Variants in ROCK1 observed in about 807,000 individuals in gnomAD.
The protein encoded by ROCK1 is Rho associated coiled-coil containing protein kinase 1.
Under a neutral mutation model 196.8 loss-of-function variants are expected in ROCK1, and 36 were observed. The observed-to-expected ratio is 0.18, with a 90% CI of 0.14 to 0.24. The LOEUF is 0.24. Ranked by LOEUF, ROCK1 falls within the 10% of genes least tolerant of loss-of-function variation. ROCK1 has a pLI of 1.00. For synonymous variants in ROCK1, 443 were observed against 515.9 expected (o/e 0.86, Z 1.91); for missense variants, 920 against 1,562.0 (o/e 0.59, Z 6.93).
intron 11 of ROCK1, among the ~76,000 whole-genome samples, chr18:21,022,040 TAA>T (rs2035917193): frequency 6.6e-6 from 1 of 152,126 alleles, no homozygotes; most frequent in African/African-American, 2.4e-5. Flanking sequence ...CTCTTATATT[TAA>T]GAGTCAATAT....
At chr18:20,970,931 C>T (rs1248206461) in intron 22 of ROCK1, among the ~76,000 whole-genome samples, 1 of 152,194 alleles carries the variant, frequency 6.6e-6, no homozygotes, top group East Asian at 1.9e-4. Flanking sequence ...GTCCCTTACA[C>T]TTCCTGCAGT....
chr18:20,961,818 C>CTTTTTTTTTTTTTTT, intron 27 of ROCK1, among the ~76,000 whole-genome samples: 1 of 117,212 alleles, frequency 8.5e-6, no homozygotes, highest in Non-Finnish European at 1.7e-5. Flanking sequence ...TTTCTTTTTC[C>CTTTTTTTTTTTTTTT]TTTTTTTTTT....
intron 18 of ROCK1, among the ~76,000 whole-genome samples, chr18:20,988,362 C>T (rs1046045309): frequency 2.2e-4 from 33 of 152,042 alleles, no homozygotes; most frequent in African/African-American, 7.5e-4. Context: ...GTCCCCGCAC[C>T]CGGCCTCTTT....
intron 2 of ROCK1, among the ~76,000 whole-genome samples, chr18:21,053,138 C>T (rs2036217933): frequency 6.6e-6 from 1 of 152,150 alleles, no homozygotes; most frequent in Non-Finnish European, 1.5e-5. Flanking sequence ...GCTATTCTTG[C>T]CCAAAGGCTA....
chr18:20,999,962 C>A (rs566214079), intron 16 of ROCK1, among the ~76,000 whole-genome samples: 89 of 152,268 alleles, frequency 5.8e-4, no homozygotes, highest in African/African-American at 2.0e-3. Flanking sequence ...CAATACTACA[C>A]AAAGTAATCT....
chr18:21,062,725 G>A (rs1421124860), intron 2 of ROCK1, among the ~76,000 whole-genome samples: 1 of 152,016 alleles, frequency 6.6e-6, no homozygotes, highest in Admixed American at 6.5e-5. Flanking sequence ...AATGATAAGC[G>A]TTAACATCAC....
intron 27 of ROCK1, among the ~76,000 whole-genome samples, chr18:20,962,383 TTTAGTA>T (rs1283650402): frequency 6.6e-6 from 1 of 152,154 alleles, no homozygotes; most frequent in Non-Finnish European, 1.5e-5. Flanking sequence ...TACAAAGTTG[TTTAGTA>T]TTAGTAATTC....
chr18:20,968,149 T>C (rs1282925393), intron 25 of ROCK1, among the ~76,000 whole-genome samples: 6 of 152,182 alleles, frequency 3.9e-5, no homozygotes, highest in African/African-American at 1.4e-4. Context: ...GAGCCTTTCT[T>C]TGGTTAACTT....
intron 1 of ROCK1, among the ~76,000 whole-genome samples, chr18:21,071,760 AT>A (rs1419999418): frequency 6.6e-6 from 1 of 152,240 alleles, no homozygotes; most frequent in African/African-American, 2.4e-5. Flanking sequence ...CATTAAAAAA[AT>A]AAAGAACCAG....
At chr18:21,064,800 C>G (rs936588710) in intron 2 of ROCK1, among the ~76,000 whole-genome samples, 5 of 152,186 alleles carry the variant, frequency 3.3e-5, no homozygotes, top group Non-Finnish European at 7.3e-5. Flanking sequence ...GTGGAAGAAC[C>G]TTGCTTTCTA....
intron 1 of ROCK1, among the ~76,000 whole-genome samples, chr18:21,091,530 G>T (rs2036570027): frequency 2.1e-5 from 1 of 47,424 alleles, no homozygotes; most frequent in African/African-American, 3.0e-5. Context: ...TTGAACCCAG[G>T]AGGCAGAGGT....
intron 29 of ROCK1, among the ~76,000 whole-genome samples, chr18:20,958,213 T>A (rs557628348): frequency 6.6e-6 from 1 of 152,182 alleles, no homozygotes; most frequent in African/African-American, 2.4e-5. Context: ...ACTAAAGCTG[T>A]TTATTAAAAA....
intron 1 of ROCK1, among the ~76,000 whole-genome samples, chr18:21,079,723 TA>T (rs2036466814): frequency 6.6e-6 from 1 of 152,174 alleles, no homozygotes; most frequent in African/African-American, 2.4e-5. Flanking sequence ...CCATGGCTAC[TA>T]AAAGAACTGG....
intron 21 of ROCK1, among the ~76,000 whole-genome samples, chr18:20,982,181 CA>C (rs1442196684): frequency 1.3e-5 from 2 of 152,214 alleles, no homozygotes; most frequent in African/African-American, 2.4e-5. Context: ...GATCACTTTG[CA>C]GAAGTTAGCA....
intron 12 of ROCK1, among the ~76,000 whole-genome samples, chr18:21,019,476 A>C (rs753753387): frequency 2.6e-5 from 4 of 152,148 alleles, no homozygotes; most frequent in Non-Finnish European, 4.4e-5. Flanking sequence ...CAACTAAATG[A>C]ATTAGCATTA....
intron 16 of ROCK1, among the ~76,000 whole-genome samples, chr18:20,998,893 G>A (rs1226747406): frequency 6.6e-6 from 1 of 152,026 alleles, no homozygotes; most frequent in Non-Finnish European, 1.5e-5. Flanking sequence ...ACAATCGTGA[G>A]CCACCGCATC....
intron 9 of ROCK1, among the ~76,000 whole-genome samples, chr18:21,030,542 T>G (rs1336838772): frequency 1.3e-5 from 2 of 152,220 alleles, no homozygotes; most frequent in Non-Finnish European, 2.9e-5. Context: ...ACTCTTTTTA[T>G]AAATGACACT....
chr18:21,071,213 C>G (rs2036382411), intron 1 of ROCK1, among the ~76,000 whole-genome samples: 2 of 124,274 alleles, frequency 1.6e-5, no homozygotes, highest in African/African-American at 6.1e-5. Context: ...GGGTCTTGCT[C>G]TGTTGGCCAG....
chr18:21,023,182 C>T (rs1394023790), intron 11 of ROCK1, among the ~76,000 whole-genome samples: 4 of 151,956 alleles, frequency 2.6e-5, no homozygotes, highest in African/African-American at 9.7e-5. Context: ...GATGGCTGCA[C>T]AACTATGTGA....
Sources: allele counts gnomAD v4.1 joint callset (sites outside exome capture counted in the v4.1 genomes callset), GRCh38; gene constraint gnomAD v4.1.1; transcripts MANE v1.5; gene names NCBI Gene and HGNC (gene_info 2026-07-23, HGNC 2026-07-21).